TRIM16: variants seen among roughly 807,000 people sequenced by gnomAD.
TRIM16 encodes the protein tripartite motif containing 16, also known as tripartite motif-containing protein 16.
In TRIM16, 33 loss-of-function variants were observed where a neutral mutation model predicts 50.4. The observed-to-expected ratio is 0.65, with a 90% CI of 0.50 to 0.88. The LOEUF is 0.88. Among genes scored for constraint, TRIM16 ranks in the 40% least tolerant of loss-of-function variants. The pLI is 0.00. For synonymous variants in TRIM16, 229 were observed against 270.7 expected, an observed-to-expected ratio of 0.85 and a Z score of 1.51; for missense variants, 581 against 686.8, an observed-to-expected ratio of 0.85 and a Z score of 1.72.
chr17:15,683,141 C>T lies in TRIM16; in HGVS notation c.-882G>A. The T allele has an allele frequency of 6.5e-7, 1 of 1,549,296 alleles. No homozygotes were observed. Among genetic ancestry groups the T allele is most frequent in the Non-Finnish European group, 8.7e-7 (1 of 1,146,134 alleles). On this transcript the variant is annotated 5_prime_UTR_variant, in exon 2 of 12. Coordinates refer to ENST00000649191, the MANE Select transcript of TRIM16 (RefSeq NM_001348119.1). ...CTCCACGTATCTTCCTGGAAATTGCCAGCATTCTACCAGAAACTGTGGTAA... is the reference window on the plus strand; with the variant it reads ...CTCCACGTATCTTCCTGGAAATTGCTAGCATTCTACCAGAAACTGTGGTAA...
chr17:15,651,253 C>G lies in TRIM16; in HGVS notation c.357G>C (p.Leu119=). ...AGTTGTGGTCCTTCACTGGCTCGGT[C>G]AGCAGGTGGCTTTGCAGTTTGATGT... is the stretch of plus-strand genomic sequence containing the variant. ...QVNIKLQSHL[L]TEPVKDHNWR... is the part of the protein sequence containing the mutation. Residue 119 remains leucine, a synonymous_variant, in exon 7 of 12, where the codon CTG becomes CTC. Transcript: ENST00000649191. The G allele has an allele frequency of 6.2e-7, 1 of 1,614,222 alleles. No homozygotes were observed. The highest frequency in any genetic ancestry group is 2.2e-5 in the East Asian group (1 of 44,890).
rs760669278 is a variant in TRIM16, at chr17:15,631,619, A to G, written c.1111T>C (p.Tyr371His). The change falls in exon 11 of 12, where the codon TAT becomes CAT. Residue 371 changes from tyrosine to histidine, a missense_variant and splice_region_variant. This residue lies in a region of TRIM16 where 450 missense variants were observed against 544.3 expected (regional missense o/e 0.83). Coordinates refer to ENST00000649191, the MANE Select transcript of TRIM16 (RefSeq NM_001348119.1). ...GAAGCGGGTGCCGTTCACAACTTAC[A>G]TTGGAGGAACTGTTCCCTGGTGCTG... Reference protein sequence around the residue: ...EPSTREQFLQYAYDITFDPDT... With the variant: ...EPSTREQFLQHAYDITFDPDT... The G allele has an allele frequency of 5.0e-6, 8 of 1,613,832 alleles. No homozygotes were observed. The East Asian group carries it at 1.1e-4, about 22-fold the overall frequency.
chr17:15,681,026 A>G, intron 3 of TRIM16, 73 bp from the exon 4 acceptor site: 1 of 1,298,778 alleles, frequency 7.7e-7, no homozygotes, highest in African/African-American at 1.5e-5. Context: ...AGAAACAGCC[A>G]CTTATGAGAA....
intron 7 of TRIM16, among the ~76,000 whole-genome samples, chr17:15,649,166 T>A (rs1451330743): frequency 6.7e-6 from 1 of 148,660 alleles, no homozygotes; most frequent in East Asian, 1.9e-4. Flanking sequence ...CATAGAACAT[T>A]TCTGCAAGGA....
intron 6 of TRIM16, among the ~76,000 whole-genome samples, chr17:15,665,827 T>C (rs1846745412): frequency 2.0e-5 from 3 of 152,108 alleles, no homozygotes. Flanking sequence ...GACCTGTATA[T>C]CCAACTACTT....
At chr17:15,650,036 G>A (rs558343235) in intron 7 of TRIM16, among the ~76,000 whole-genome samples, 2 of 152,194 alleles carry the variant, frequency 1.3e-5, no homozygotes, top group Non-Finnish European at 2.9e-5. Context: ...TGACTCATTG[G>A]CATCTGGAAT....
intron 6 of TRIM16, among the ~76,000 whole-genome samples, chr17:15,653,007 T>G (rs1034404880): frequency 2.6e-5 from 4 of 152,220 alleles, no homozygotes; most frequent in Non-Finnish European, 4.4e-5. Flanking sequence ...TGCTGAGATT[T>G]GATCCCCAAT....
At chr17:15,675,001 T>A (rs530983618) in intron 6 of TRIM16, among the ~76,000 whole-genome samples, 27 of 152,030 alleles carry the variant, frequency 1.8e-4, no homozygotes, top group African/African-American at 5.5e-4. Flanking sequence ...ACTATTTCCA[T>A]CAGTACAAGA....
In TRIM16 at chr17:15,684,282, G is replaced by A. The variant is rs1180984231; in HGVS notation, c.-985C>T. The A allele has an allele frequency of 1.3e-5, 2 of 152,348 alleles. No individual in the cohort carries two copies. Among genetic ancestry groups the A allele is most frequent in the South Asian group, 2.1e-4 (1 of 4,824 alleles). 9.4% of individuals were successfully genotyped at this position (152,348 alleles called of 1,614,324 possible). On this transcript the variant is annotated 5_prime_UTR_variant, in exon 1 of 12. Coordinates refer to ENST00000649191, the MANE Select transcript of TRIM16 (RefSeq NM_001348119.1). ...GGGAGGACACAGACTCGCCACGCGC[G>A]GAGATCCTCCAGAGAAAGGGGCCGG...
chr17:15,657,151 C>A (rs1988018987), intron 6 of TRIM16, among the ~76,000 whole-genome samples: 1 of 152,162 alleles, frequency 6.6e-6, no homozygotes, highest in South Asian at 2.1e-4. Flanking sequence ...CAGATAAATA[C>A]ACATAAAATA....
chr17:15,674,593 T>C (rs1195556465), intron 6 of TRIM16, among the ~76,000 whole-genome samples: 1 of 152,086 alleles, frequency 6.6e-6, no homozygotes, highest in Non-Finnish European at 1.5e-5. Flanking sequence ...CTCCCAGCAC[T>C]GGCAGGAAGC....
Position 15,683,071 on chromosome 17 carries a change from A to G in TRIM16, c.-812T>C, listed in dbSNP as rs1211329779. 6.4e-7 allele frequency: 1 copy of G among 1,550,480 alleles called. No individual in the cohort carries two copies. Among genetic ancestry groups the G allele is most frequent in the Non-Finnish European group, 8.7e-7 (1 of 1,147,014 alleles). On this transcript the variant is annotated 5_prime_UTR_variant, in exon 2 of 12. Coordinates refer to ENST00000649191, the MANE Select transcript of TRIM16 (RefSeq NM_001348119.1). ...GAGTTTGCAGGTCCAATCCTCCATAATCATAGCCTTTGCTTCACTATTTGG... is the reference window on the plus strand; with the variant it reads ...GAGTTTGCAGGTCCAATCCTCCATAGTCATAGCCTTTGCTTCACTATTTGG...
Position 15,640,093 on chromosome 17 carries a change from T to A in TRIM16, c.615+2628A>T, listed in dbSNP as rs191914897. On this transcript the variant is annotated intron_variant, in intron 8 of 11. Transcript: ENST00000649191. The stretch of plus-strand genomic sequence containing the variant: ...TAAGACAGTGATAAATGGACTGATT[T>A]GCCCAAGATCACACAGCCAAGGTTT... 1.6e-3 allele frequency among the ~76,000 whole-genome samples: 238 copies of A among 149,588 alleles called. 16 individuals carry two copies. Among genetic ancestry groups the A allele is most frequent in the Admixed American group, 2.8e-3 (43 of 15,134 alleles).
At chr17:15,643,551 GT>G (rs1987210012) in intron 7 of TRIM16, among the ~76,000 whole-genome samples, 1 of 146,578 alleles carries the variant, frequency 6.8e-6, no homozygotes, top group South Asian at 2.2e-4. Flanking sequence ...GATGTCTCAT[GT>G]CTCCCTAAAA....
chr17:15,682,831 AC>A (rs1456524216), intron 3 of TRIM16, 22 bp downstream of exon 3: 1 of 1,409,012 alleles, frequency 7.1e-7, no homozygotes, highest in Non-Finnish European at 9.2e-7. Flanking sequence ...TAGTAAAATC[AC>A]CACCATTCTT....
chr17:15,635,382 C>T (rs1276868740), intron 9 of TRIM16, among the ~76,000 whole-genome samples: 2 of 148,822 alleles, frequency 1.3e-5, no homozygotes, highest in Non-Finnish European at 3.0e-5. Context: ...CAATGGCTTA[C>T]GGTTTGATGT....
chr17:15,667,681 CT>C (rs1253825514), intron 6 of TRIM16, among the ~76,000 whole-genome samples: 5 of 152,198 alleles, frequency 3.3e-5, no homozygotes, highest in Admixed American at 3.3e-4. Flanking sequence ...AATAAATTCT[CT>C]ACCATGGTAG....
chr17:15,633,127 C>A (rs868117484), intron 9 of TRIM16, among the ~76,000 whole-genome samples: 1 of 152,156 alleles, frequency 6.6e-6, no homozygotes, highest in Non-Finnish European at 1.5e-5. Flanking sequence ...TTCTGTAATT[C>A]TTGTACCTTG....
Position 15,683,067 on chromosome 17 carries a change from C to T in TRIM16, c.-808G>A, listed in dbSNP as rs1989247078. On this transcript the variant is annotated 5_prime_UTR_variant, in exon 2 of 12. It removes an upstream start codon present in the reference 5' UTR. Coordinates refer to ENST00000649191, the MANE Select transcript of TRIM16 (RefSeq NM_001348119.1). Reference sequence around the variant, plus strand: ...TCTGGAGTTTGCAGGTCCAATCCTCCATAATCATAGCCTTTGCTTCACTAT... The same window carrying T: ...TCTGGAGTTTGCAGGTCCAATCCTCTATAATCATAGCCTTTGCTTCACTAT... 2 of 1,550,500 alleles carry T rather than the reference C, an allele frequency of 1.3e-6. No individual in the cohort carries two copies. The highest frequency in any genetic ancestry group is 2.7e-5 in the African/African-American group (2 of 73,050).
Sources: allele counts gnomAD v4.1 joint callset (sites outside exome capture counted in the v4.1 genomes callset), GRCh38; gene constraint gnomAD v4.1.1; regional missense constraint gnomAD v4.1.1; transcripts MANE v1.5; gene names NCBI Gene and HGNC (gene_info 2026-07-23, HGNC 2026-07-21).